SGCZ: variants seen among roughly 807,000 people sequenced by gnomAD.
The protein encoded by SGCZ is sarcoglycan zeta.
Under a neutral mutation model 41.3 loss-of-function variants are expected in SGCZ, and 40 were observed. The observed-to-expected ratio is 0.97, with a 90% CI of 0.75 to 1.26. The LOEUF is 1.26. Ranked by LOEUF, SGCZ falls within the 50% of genes most tolerant of loss-of-function variation. SGCZ has a pLI of 0.00. For missense variants in SGCZ, 552 were observed against 369.8 expected (o/e 1.49, Z -4.04); for synonymous variants, 206 against 137.5 (o/e 1.50, Z -3.49).
At chr8:14,897,202 T>A (rs769060775) in intron 1 of SGCZ, among the ~76,000 whole-genome samples, 1 of 152,206 alleles carries the variant, frequency 6.6e-6, no homozygotes, top group African/African-American at 2.4e-5. Context: ...GGTATTTTAA[T>A]TAATCTAATG....
In SGCZ at chr8:14,333,486, G is replaced by A. The variant is rs1214672133; in HGVS notation, c.235-9282C>T. 2.0e-5 allele frequency among the ~76,000 whole-genome samples: 3 copies of A among 151,892 alleles called. No homozygotes were observed. In the East Asian group the frequency reaches 5.8e-4, roughly 29 times the overall value. On this transcript the variant is annotated intron_variant, in intron 2 of 7. Coordinates refer to ENST00000382080, the MANE Select transcript of SGCZ (RefSeq NM_139167.4). ...ATTAGCATGCTTGTCTTTCCCAACT[G>A]TGCTTAATAGAATACCAGAATTAAT...
chr8:15,050,488 G>A (rs143931851), intron 1 of SGCZ, among the ~76,000 whole-genome samples: 10 of 152,292 alleles, frequency 6.6e-5, no homozygotes, highest in Non-Finnish European at 1.0e-4. Flanking sequence ...GAGTTGCTTA[G>A]AGAAAGAAAA....
chr8:14,709,474 G>A (rs1219295532), intron 1 of SGCZ, among the ~76,000 whole-genome samples: 1 of 152,126 alleles, frequency 6.6e-6, no homozygotes, highest in Non-Finnish European at 1.5e-5. Flanking sequence ...AGGAAGAAGA[G>A]GAGGAACTAA....
At chr8:14,231,386 T>A (rs1806566851) in intron 4 of SGCZ, among the ~76,000 whole-genome samples, 1 of 151,922 alleles carries the variant, frequency 6.6e-6, no homozygotes, top group Admixed American at 6.6e-5. Flanking sequence ...TTCATCAATA[T>A]CAATTTCATC....
chr8:14,669,025 C>G (rs993634413), intron 1 of SGCZ, among the ~76,000 whole-genome samples: 3 of 151,832 alleles, frequency 2.0e-5, no homozygotes, highest in Non-Finnish European at 4.4e-5. Context: ...ACTAGAGTTA[C>G]AATATTGTGC....
chr8:15,005,895 T>A (rs770603159), intron 1 of SGCZ, among the ~76,000 whole-genome samples: 5 of 152,252 alleles, frequency 3.3e-5, no homozygotes, highest in Non-Finnish European at 7.3e-5. Context: ...GCTGTGCTAT[T>A]TTATTTTAAT....
At chr8:15,181,131 ACT>A (rs1800163224) in intron 1 of SGCZ, among the ~76,000 whole-genome samples, 1 of 152,170 alleles carries the variant, frequency 6.6e-6, no homozygotes, top group East Asian at 1.9e-4. Context: ...AAAAAATTAC[ACT>A]GTGTTTTATT....
chr8:14,917,593 T>A (rs983686954), intron 1 of SGCZ, among the ~76,000 whole-genome samples: 3 of 152,108 alleles, frequency 2.0e-5, no homozygotes, highest in Non-Finnish European at 4.4e-5. Context: ...GAACCTCTTA[T>A]TAGAAACTGA....
At chr8:14,262,335 A>T (rs918120566) in intron 3 of SGCZ, among the ~76,000 whole-genome samples, 1 of 152,180 alleles carries the variant, frequency 6.6e-6, no homozygotes. Flanking sequence ...TTGTTTAAAT[A>T]ATTCTGTACA....
At chr8:14,388,313 AG>A (rs1316651149) in intron 2 of SGCZ, among the ~76,000 whole-genome samples, 1 of 152,116 alleles carries the variant, frequency 6.6e-6, no homozygotes, top group African/African-American at 2.4e-5. Flanking sequence ...ATAGGTGCTG[AG>A]GCCTAGGAGC....
intron 1 of SGCZ, among the ~76,000 whole-genome samples, chr8:15,150,699 A>C (rs1450916193): frequency 1.3e-5 from 2 of 152,172 alleles, no homozygotes; most frequent in Non-Finnish European, 2.9e-5. Context: ...AAAGAAGCTG[A>C]CTTTTTATTT....
chr8:15,174,801 T>C (rs936410647), intron 1 of SGCZ, among the ~76,000 whole-genome samples: 4 of 152,206 alleles, frequency 2.6e-5, no homozygotes, highest in African/African-American at 7.2e-5. Context: ...TAGCGACTTA[T>C]TACTTTTTTA....
At chr8:14,249,266 G>C (rs1431465669) in intron 3 of SGCZ, among the ~76,000 whole-genome samples, 2 of 152,198 alleles carry the variant, frequency 1.3e-5, no homozygotes, top group African/African-American at 4.8e-5. Context: ...CAGATCAGGA[G>C]TGGAACTTAC....
chr8:14,480,343 A>G lies in SGCZ; in HGVS notation c.234+74389T>C, dbSNP rs146742298. Among the ~76,000 whole-genome samples the G allele has an allele frequency of 2.5e-3, 376 of 152,190 alleles. 5 individuals carry two copies. The highest frequency in any genetic ancestry group is 8.4e-3 in the African/African-American group (351 of 41,546). The stretch of plus-strand genomic sequence containing the variant: ...TTGAAATATTTTTTCTCTTTTCTTC[A>G]GGACACCATATTCTCTTATTTTTTC... On this transcript the variant is annotated intron_variant, in intron 2 of 7. Transcript: ENST00000382080.
In SGCZ at chr8:15,209,980, C is replaced by G. The variant is rs140191277; in HGVS notation, c.39+27605G>C. The stretch of plus-strand genomic sequence containing the variant: ...GGAGTTTCTGGGAGGGATTTACTCA[C>G]ACTATTTAAAAAATCATTTCTCTTC... On this transcript the variant is annotated intron_variant, in intron 1 of 7. Coordinates refer to ENST00000382080, the MANE Select transcript of SGCZ (RefSeq NM_139167.4). Among the ~76,000 whole-genome samples, 52 of 152,220 alleles carry G rather than the reference C, an allele frequency of 3.4e-4. 1 individual carries two copies. Among genetic ancestry groups the G allele is most frequent in the African/African-American group, 1.3e-3 (52 of 41,548 alleles).
chr8:14,709,697 A>G (rs751515689), intron 1 of SGCZ, among the ~76,000 whole-genome samples: 9 of 152,276 alleles, frequency 5.9e-5, no homozygotes, highest in Middle Eastern at 3.4e-3. Context: ...AAAAAAAGAC[A>G]AACTATTTAA....
intron 2 of SGCZ, among the ~76,000 whole-genome samples, chr8:14,390,711 A>G (rs1422550136): frequency 6.6e-5 from 10 of 152,002 alleles, no homozygotes. Context: ...ATATGAAAAT[A>G]TTTAGATGCT....
Position 15,208,902 on chromosome 8 carries a change from T to TATATATAGAG in SGCZ, c.39+28682_39+28683insCTCTATATAT, listed in dbSNP as rs1411869670. Among the ~76,000 whole-genome samples, 325 of 149,978 alleles carry TATATATAGAG rather than the reference T, an allele frequency of 2.2e-3. 1 individual carries two copies. Among genetic ancestry groups the TATATATAGAG allele is most frequent in the African/African-American group, 6.8e-3 (279 of 40,986 alleles). On this transcript the variant is annotated intron_variant, in intron 1 of 7. Coordinates refer to ENST00000382080, the MANE Select transcript of SGCZ (RefSeq NM_139167.4). ...ATACACATATCCCTATACATATATATAGAGAGAGAGAGAGAGAGAGAATTG... is the reference window on the plus strand; with the variant it reads ...ATACACATATCCCTATACATATATATATATATAGAGAGAGAGAGAGAGAGAGAGAGAATTG...
At chr8:14,193,895 A>G (rs917161008) in intron 4 of SGCZ, among the ~76,000 whole-genome samples, 13 of 151,882 alleles carry the variant, frequency 8.6e-5, no homozygotes, top group African/African-American at 2.9e-4. Context: ...TTTGATTAAT[A>G]TATAATATTA....
Sources: gnomAD v4.1 joint callset for allele counts (sites outside exome capture counted in the v4.1 genomes callset) on GRCh38, gnomAD v4.1.1 for gene constraint, MANE v1.5 for transcripts, NCBI Gene and HGNC (gene_info 2026-07-23, HGNC 2026-07-21) for gene names.